Variants in KIAA1549L observed in about 807,000 individuals in gnomAD.
KIAA1549L encodes KIAA1549 like.
A neutral mutation model predicts 160.7 loss-of-function variants in KIAA1549L; 88 were observed. The ratio of observed to expected loss-of-function variants is 0.55; its 90% CI spans 0.46 to 0.65. The LOEUF (loss-of-function observed/expected upper bound fraction) is 0.65, where lower values mean the gene tolerates loss of function less well. KIAA1549L is among the 30% of genes least tolerant of loss of function. The pLI is 0.00. For missense variants in KIAA1549L, 2,258 were observed against 2,437.5 expected (o/e 0.93, Z 1.55); for synonymous variants, 950 against 976.7 (o/e 0.97, Z 0.51).
At position 33,541,959 on chromosome 11, in the gene KIAA1549L, A is replaced by C. The variant is rs1854033811; in HGVS notation, c.396A>C (p.Thr132=). 1 of 388,644 alleles carries C rather than the reference A, an allele frequency of 2.6e-6. No individual in the cohort carries two copies. The highest frequency in any genetic ancestry group is 5.4e-6 in the Non-Finnish European group (1 of 186,426). 24.1% of individuals were successfully genotyped at this position (388,644 alleles called of 1,614,324 possible). The change falls in exon 2 of 21, where the codon ACA becomes ACC. Residue 132 remains threonine, a synonymous_variant. Transcript: ENST00000658780. The stretch of plus-strand genomic sequence containing the variant: ...TGCTGGGACAGTCCTCTGACAACAC[A>C]AGCTTGCCACAGTCAGCCCGAACCC... ...KTVLGQSSDN[T]SLPQSARTPA... is the part of the protein sequence containing the mutation.
At chr11:33,602,079 G>T (rs1338033054) in intron 13 of KIAA1549L, among the ~76,000 whole-genome samples, 1 of 152,170 alleles carries the variant, frequency 6.6e-6, no homozygotes, top group African/African-American at 2.4e-5. Flanking sequence ...ACATATCTTT[G>T]CATCTTAAGT....
At chr11:33,407,161 T>C (rs1173631905) in intron 1 of KIAA1549L, among the ~76,000 whole-genome samples, 1 of 136,486 alleles carries the variant, frequency 7.3e-6, no homozygotes, top group African/African-American at 2.7e-5. Context: ...CTCGGCTCAC[T>C]ACAAACTCCG....
chr11:33,621,755 G>A (rs1483719686), intron 16 of KIAA1549L, among the ~76,000 whole-genome samples: 1 of 152,142 alleles, frequency 6.6e-6, no homozygotes, highest in Non-Finnish European at 1.5e-5. Flanking sequence ...CCAGTATGTG[G>A]ATACGAAACC....
At chr11:33,515,177 G>A (rs567311507) in intron 1 of KIAA1549L, among the ~76,000 whole-genome samples, 6 of 152,146 alleles carry the variant, frequency 3.9e-5, no homozygotes, top group Non-Finnish European at 8.8e-5. Flanking sequence ...ACAGCTAAGT[G>A]CCTCCCCCAC....
chr11:33,555,964 AAAAAC>A (rs1200463977), intron 6 of KIAA1549L, among the ~76,000 whole-genome samples: 1 of 152,160 alleles, frequency 6.6e-6, no homozygotes, highest in Non-Finnish European at 1.5e-5. Context: ...ACTCAATAAT[AAAAAC>A]AAACAAAAAA....
intron 11 of KIAA1549L, 93 bp downstream of exon 11, chr11:33,583,594 C>A: frequency 8.6e-7 from 1 of 1,166,326 alleles, no homozygotes. Context: ...ATTGCCAGAG[C>A]CTGCAGAAAC....
chr11:33,478,568 T>G (rs1452087741), intron 1 of KIAA1549L, among the ~76,000 whole-genome samples: 3 of 152,168 alleles, frequency 2.0e-5, no homozygotes, highest in Non-Finnish European at 4.4e-5. Context: ...TGGTCACAGA[T>G]AGGAATAGCA....
intron 1 of KIAA1549L, among the ~76,000 whole-genome samples, chr11:33,478,292 C>A (rs183115917): frequency 6.6e-6 from 1 of 152,164 alleles, no homozygotes; most frequent in Non-Finnish European, 1.5e-5. Context: ...TTTGTTCTAG[C>A]CTGACAAGCA....
intron 14 of KIAA1549L, 73 bp from the exon 15 acceptor site, chr11:33,609,676 C>A: frequency 8.2e-7 from 1 of 1,218,954 alleles, no homozygotes; most frequent in Non-Finnish European, 1.2e-6. Context: ...GAAGTGATAA[C>A]CTCCTGGTGA....
At chr11:33,610,014 A>G in intron 15 of KIAA1549L, 48 bp downstream of exon 15, 1 of 1,448,960 alleles carries the variant, frequency 6.9e-7, no homozygotes, top group Non-Finnish European at 9.7e-7. Context: ...CATTGGTGGG[A>G]TAAGGGCAGG....
Position 33,551,104 on chromosome 11 carries a change from T to C in KIAA1549L, c.3566T>C (p.Val1189Ala). Residue 1189 changes from valine (V) to alanine (A), a missense_variant, in exon 5 of 21, where the codon GTG becomes GCG. This residue lies in a region of KIAA1549L where 1,359 missense variants were observed against 1,546.6 expected (regional missense o/e 0.88). Transcript: ENST00000658780. ...TATTATGCTACCAAAGGGAAGTTGG[T>C]GTATTTGCCTGCTGTGGTGATCGAA... ...VGYYATKGKL[V>A]YLPAVVIEML... is the part of the protein sequence containing the mutation. 6.2e-7 allele frequency: 1 copy of C among 1,614,000 alleles called. No individual in the cohort carries two copies. Among genetic ancestry groups the C allele is most frequent in the Non-Finnish European group, 8.5e-7 (1 of 1,179,858 alleles).
Position 33,557,164 on chromosome 11 carries a change from T to A in KIAA1549L, c.3856-2585T>A, listed in dbSNP as rs141775346. On this transcript the variant is annotated intron_variant, in intron 6 of 20. Transcript: ENST00000658780. ...CATCATGCTTGGCAATTTTTTTCTA[T>A]TTTTTGTAGAGACAGGATTTTGCCA... Among the ~76,000 whole-genome samples the A allele has an allele frequency of 4.9e-3, 739 of 152,178 alleles. 5 individuals carry two copies. The highest frequency in any genetic ancestry group is 0.016 in the African/African-American group (672 of 41,518).
chr11:33,432,916 C>T (rs930006262), intron 1 of KIAA1549L, among the ~76,000 whole-genome samples: 1 of 152,150 alleles, frequency 6.6e-6, no homozygotes, highest in Admixed American at 6.6e-5. Context: ...TTCCTTATAC[C>T]TTATGCAAAA....
At chr11:33,378,627 G>T (rs1163344753) in intron 1 of KIAA1549L, among the ~76,000 whole-genome samples, 1 of 152,116 alleles carries the variant, frequency 6.6e-6, no homozygotes, top group Non-Finnish European at 1.5e-5. Context: ...CATCTCATCC[G>T]AGCGACTCGT....
intron 1 of KIAA1549L, among the ~76,000 whole-genome samples, chr11:33,424,693 A>G (rs1851083244): frequency 1.3e-5 from 2 of 152,148 alleles, no homozygotes; most frequent in Admixed American, 1.3e-4. Flanking sequence ...CCCCTCATAC[A>G]TGCTCTACTC....
intron 1 of KIAA1549L, among the ~76,000 whole-genome samples, chr11:33,424,308 T>C (rs2134109225): frequency 6.6e-6 from 1 of 152,322 alleles, no homozygotes; most frequent in South Asian, 2.1e-4. Context: ...GAAAAATACC[T>C]GTGAAAGCTT....
intron 4 of KIAA1549L, 78 bp from the exon 5 acceptor site, chr11:33,550,962 G>A (rs1854439215): frequency 8.8e-7 from 1 of 1,138,544 alleles, no homozygotes; most frequent in Non-Finnish European, 1.3e-6. Flanking sequence ...TAACAGCCGT[G>A]GTTCTAAGAA....
At chr11:33,477,863 A>C (rs1460166957) in intron 1 of KIAA1549L, among the ~76,000 whole-genome samples, 3 of 152,216 alleles carry the variant, frequency 2.0e-5, no homozygotes, top group Non-Finnish European at 4.4e-5. Context: ...ATACACACAC[A>C]CACACACACA....
At chr11:33,579,361 T>C (rs1229143479) in intron 10 of KIAA1549L, among the ~76,000 whole-genome samples, 1 of 152,072 alleles carries the variant, frequency 6.6e-6, no homozygotes, top group Admixed American at 6.5e-5. Context: ...ATCATCCCCT[T>C]AAACTCCACA....
Sources: allele counts gnomAD v4.1 joint callset (sites outside exome capture counted in the v4.1 genomes callset), GRCh38; gene constraint gnomAD v4.1.1; regional missense constraint gnomAD v4.1.1; transcripts MANE v1.5; gene names NCBI Gene and HGNC (gene_info 2026-07-23, HGNC 2026-07-21).